PTPN22: variants seen among roughly 807,000 people sequenced by gnomAD.
The protein encoded by PTPN22 is protein tyrosine phosphatase non-receptor type 22.
PTPN22 carries 85 observed loss-of-function variants against 103.3 expected under a neutral mutation model. The ratio of observed to expected loss-of-function variants is 0.82; its 90% confidence interval spans 0.69 to 0.99. The LOEUF (loss-of-function observed/expected upper bound fraction) is 0.99. Ranked by LOEUF, PTPN22 falls within the 50% of genes least tolerant of loss-of-function variation. The pLI is 0.00. For missense variants in PTPN22, 865 were observed against 936.9 expected (o/e 0.92, Z 1.00); for synonymous variants, 323 against 310.2 (o/e 1.04, Z -0.43).
chr1:113,826,771 G>A (rs1032016858), intron 18 of PTPN22, among the ~76,000 whole-genome samples: 2 of 135,266 alleles, frequency 1.5e-5, no homozygotes, highest in Admixed American at 8.2e-5. Flanking sequence ...CCGGGTTCAC[G>A]CCATTCTCCT....
At chr1:113,829,447 T>G (rs1662360749) in intron 18 of PTPN22, 145 bp downstream of exon 18, 1 of 506,544 alleles carries the variant, frequency 2.0e-6, no homozygotes, top group Non-Finnish European at 3.4e-6. Flanking sequence ...TTTCGTTTCC[T>G]TCTATTAATT....
At chr1:113,822,579 T>A (rs1661701017) in intron 19 of PTPN22, among the ~76,000 whole-genome samples, 1 of 152,198 alleles carries the variant, frequency 6.6e-6, no homozygotes, top group Non-Finnish European at 1.5e-5. Flanking sequence ...TCAGAGATTT[T>A]GTTCCCTCTA....
intron 1 of PTPN22, among the ~76,000 whole-genome samples, chr1:113,862,481 C>T (rs1262991798): frequency 6.6e-6 from 1 of 151,914 alleles, no homozygotes. Context: ...GGGATCCTGG[C>T]CAGTATAACA....
At chr1:113,856,415 A>G in exon 7 of PTPN22, 2 of 1,589,588 alleles carry the variant, frequency 1.3e-6, no homozygotes, top group Non-Finnish European at 1.7e-6. Context: ...TCCTGATTAT[A>G]TAATCAGATT....
intron 11 of PTPN22, among the ~76,000 whole-genome samples, chr1:113,847,160 T>G (rs768184459): frequency 2.0e-5 from 3 of 151,628 alleles, no homozygotes; most frequent in Non-Finnish European, 4.4e-5. Flanking sequence ...CCCATCTATT[T>G]TGCTTCAGTT....
intron 1 of PTPN22, among the ~76,000 whole-genome samples, chr1:113,860,933 C>A (rs1381883715): frequency 6.6e-6 from 1 of 152,126 alleles, no homozygotes; most frequent in African/African-American, 2.4e-5. Flanking sequence ...ATTAATTTGG[C>A]AAAATGTTAC....
exon 13 of PTPN22, chr1:113,837,738 A>G (rs750435388): frequency 4.3e-6 from 7 of 1,613,022 alleles, no homozygotes; most frequent in South Asian, 2.2e-5. Context: ...CTTGCTTCTC[A>G]GGTAAATCAA....
intron 11 of PTPN22, among the ~76,000 whole-genome samples, chr1:113,845,200 G>GTTTTTTT (rs766526572): frequency 2.9e-5 from 4 of 137,664 alleles, no homozygotes; most frequent in Non-Finnish European, 4.7e-5. Context: ...TTTTGTTTTT[G>GTTTTTTT]TTTTTTTTTT....
chr1:113,841,682 A>G (rs886812296), intron 11 of PTPN22, among the ~76,000 whole-genome samples: 3 of 149,822 alleles, frequency 2.0e-5, no homozygotes, highest in Non-Finnish European at 4.4e-5. Flanking sequence ...GGCTCACTGC[A>G]GCCTCTGCCT....
At chr1:113,834,549 A>C (rs950407475) in intron 14 of PTPN22, 110 bp from the exon 15 acceptor site, 1 of 1,159,534 alleles carries the variant, frequency 8.6e-7, no homozygotes, top group Non-Finnish European at 1.3e-6. Flanking sequence ...GAAGTAATCT[A>C]GTTAATTCAC....
chr1:113,849,965 G>A (rs1348890809), intron 10 of PTPN22, among the ~76,000 whole-genome samples: 1 of 151,958 alleles, frequency 6.6e-6, no homozygotes, highest in East Asian at 2.0e-4. Flanking sequence ...GGAGGCCGAG[G>A]CAGGCAGATC....
At chr1:113,827,647 C>T (rs1662204562) in intron 18 of PTPN22, among the ~76,000 whole-genome samples, 1 of 152,042 alleles carries the variant, frequency 6.6e-6, no homozygotes, top group African/African-American at 2.4e-5. Context: ...ACTTGGTATA[C>T]ATGTCATTTC....
At chr1:113,826,276 T>A (rs539245501) in intron 18 of PTPN22, among the ~76,000 whole-genome samples, 135 of 151,572 alleles carry the variant, frequency 8.9e-4, no homozygotes, top group African/African-American at 3.2e-3. Flanking sequence ...GTCCAGGAGG[T>A]CAAGGCTGCA....
chr1:113,829,787 C>G, intron 17 of PTPN22, 80 bp from the exon 18 acceptor site: 1 of 1,246,070 alleles, frequency 8.0e-7, no homozygotes, highest in Non-Finnish European at 1.1e-6. Flanking sequence ...AAATTGTTAG[C>G]TTGGCTTTTT....
In PTPN22 at chr1:113,858,988, T is replaced by C. The variant is rs1193952758; in HGVS notation, c.273+14A>G. The C allele has an allele frequency of 8.1e-6, 13 of 1,611,312 alleles. No individual in the cohort carries two copies. Among genetic ancestry groups the C allele is most frequent in the Admixed American group, 1.7e-5 (1 of 59,518 alleles). ...TAGAGAAATATGGAATGCTTTTATT[T>C]TCTTTCACTGTACCTTAATGAAGTT... On this transcript the variant is annotated intron_variant, in intron 3 of 20. Coordinates refer to ENST00000359785, the Ensembl canonical transcript of PTPN22.
At chr1:113,859,159 T>C (rs1218114116) in intron 2 of PTPN22, 81 bp from the exon 3 acceptor site, 1 of 1,579,492 alleles carries the variant, frequency 6.3e-7, no homozygotes, top group African/African-American at 1.4e-5. Flanking sequence ...CTGTGAATAG[T>C]GTATGCTCAT....
intron 16 of PTPN22, among the ~76,000 whole-genome samples, chr1:113,831,278 G>T (rs1662518665): frequency 6.6e-6 from 1 of 152,036 alleles, no homozygotes; most frequent in African/African-American, 2.4e-5. Context: ...CATAAGATTT[G>T]CCATTAGTGA....
Position 113,839,448 on chromosome 1 carries a change from G to A in PTPN22, c.916-828C>T, listed in dbSNP as rs960240571. On this transcript the variant is annotated intron_variant, in intron 11 of 20. Transcript: ENST00000359785. Reference sequence around the variant, plus strand: ...TCTGTTACCCAGGCTGGAGTGCAGTGGCACAAACATGGCTCACTGCGGTGT... The same window carrying A: ...TCTGTTACCCAGGCTGGAGTGCAGTAGCACAAACATGGCTCACTGCGGTGT... Among the ~76,000 whole-genome samples the A allele has an allele frequency of 5.3e-5, 8 of 151,360 alleles. 1 individual carries two copies. The highest frequency in any genetic ancestry group is 1.2e-4 in the African/African-American group (5 of 41,124).
chr1:113,829,453 T>C, intron 18 of PTPN22, 139 bp downstream of exon 18: 1 of 510,480 alleles, frequency 2.0e-6, no homozygotes, highest in Non-Finnish European at 3.4e-6. Flanking sequence ...TTCCTTCTAT[T>C]AATTTTGACT....
Sources: gnomAD v4.1 joint callset for allele counts (sites outside exome capture counted in the v4.1 genomes callset) on GRCh38, gnomAD v4.1.1 for gene constraint, MANE v1.5 for transcripts, NCBI Gene and HGNC (gene_info 2026-07-23, HGNC 2026-07-21) for gene names.